The following RGS10 variants were observed in gnomAD, a reference collection of about 807,000 sequenced individuals.
RGS10 encodes regulator of G-protein signalling 10.
A neutral mutation model predicts 23.5 loss-of-function variants in RGS10; 11 were observed. The observed-to-expected ratio is 0.47, with a 90% CI of 0.29 to 0.77. The LOEUF (loss-of-function observed/expected upper bound fraction) is 0.77, where lower values mean the gene tolerates loss of function less well. Ranked by LOEUF, RGS10 falls within the 30% of genes least tolerant of loss-of-function variation. RGS10 has a pLI of 0.08. For missense variants in RGS10, 180 were observed against 226.3 expected (o/e 0.80, Z 1.31); for synonymous variants, 77 against 83.2 (o/e 0.92, Z 0.41).
At chr10:119,532,436 T>C (rs1844341035) in intron 1 of RGS10, among the ~76,000 whole-genome samples, 1 of 152,086 alleles carries the variant, frequency 6.6e-6, no homozygotes, top group African/African-American at 2.4e-5. Context: ...TTACGACCCG[T>C]GGGCGCGGTG....
intron 3 of RGS10, among the ~76,000 whole-genome samples, chr10:119,516,060 TG>T (rs1844139572): frequency 6.6e-6 from 1 of 152,114 alleles, no homozygotes; most frequent in Non-Finnish European, 1.5e-5. Context: ...GAGAGCAGCC[TG>T]GCCAACATGG....
intron 4 of RGS10, among the ~76,000 whole-genome samples, chr10:119,505,613 C>G (rs1844002615): frequency 6.6e-6 from 1 of 152,080 alleles, no homozygotes; most frequent in Non-Finnish European, 1.5e-5. Context: ...GCAGGATTTG[C>G]CTTCCTGAAA....
chr10:119,536,978 G>C (rs889565871), intron 1 of RGS10, among the ~76,000 whole-genome samples: 2 of 152,176 alleles, frequency 1.3e-5, no homozygotes. Flanking sequence ...CTTCCTCAGG[G>C]TCAGCATGAT....
intron 4 of RGS10, among the ~76,000 whole-genome samples, chr10:119,501,701 C>G (rs1843955292): frequency 6.6e-6 from 1 of 151,542 alleles, no homozygotes; most frequent in Non-Finnish European, 1.5e-5. Flanking sequence ...CCAGCCTGGG[C>G]AACAGAGTGA....
chr10:119,520,327 G>C (rs1844198016), intron 3 of RGS10, among the ~76,000 whole-genome samples: 1 of 152,204 alleles, frequency 6.6e-6, no homozygotes, highest in South Asian at 2.1e-4. Flanking sequence ...CCAAGCCCCT[G>C]AACAGGTGGG....
chr10:119,525,981 A>C, intron 3 of RGS10, 51 bp downstream of exon 3: 1 of 951,744 alleles, frequency 1.1e-6, no homozygotes. Context: ...TCTATTGGAA[A>C]GGCAGTTGTA....
chr10:119,532,712 G>A (rs1013822797), intron 1 of RGS10, among the ~76,000 whole-genome samples: 18 of 152,056 alleles, frequency 1.2e-4, no homozygotes, highest in Admixed American at 5.9e-4. Flanking sequence ...GTGGTGGTGC[G>A]CACCTGTAAT....
At chr10:119,525,949 G>T in intron 3 of RGS10, 83 bp downstream of exon 3, 1 of 663,208 alleles carries the variant, frequency 1.5e-6, no homozygotes, top group South Asian at 2.6e-5. Flanking sequence ...TATGAATCAG[G>T]TTTCTTTAGG....
intron 4 of RGS10, among the ~76,000 whole-genome samples, chr10:119,511,311 C>T (rs1466676869): frequency 6.6e-6 from 1 of 152,148 alleles, no homozygotes; most frequent in Non-Finnish European, 1.5e-5. Context: ...TTAAGCCCCT[C>T]AAGCTTCTCT....
chr10:119,518,672 C>G (rs1368658108), intron 3 of RGS10, among the ~76,000 whole-genome samples: 1 of 151,820 alleles, frequency 6.6e-6, no homozygotes, highest in Non-Finnish European at 1.5e-5. Flanking sequence ...CCCCACAGCT[C>G]TCTACATGGG....
intron 4 of RGS10, among the ~76,000 whole-genome samples, chr10:119,506,242 G>C (rs1844011073): frequency 1.3e-5 from 2 of 152,238 alleles, no homozygotes; most frequent in African/African-American, 4.8e-5. Context: ...GTGGGAACGG[G>C]CTGCACCCAG....
chr10:119,541,034 G>A (rs976575523), intron 1 of RGS10, among the ~76,000 whole-genome samples: 1 of 152,140 alleles, frequency 6.6e-6, no homozygotes, highest in Admixed American at 6.5e-5. Context: ...GCTACCTATG[G>A]TTTACAACCA....
At chr10:119,515,796 C>G in intron 3 of RGS10, 144 bp from the exon 4 acceptor site, 1 of 935,272 alleles carries the variant, frequency 1.1e-6, no homozygotes, top group East Asian at 2.6e-5. Context: ...TCAGGCCACT[C>G]CAGAGAGAAT....
rs905596604 is a variant in RGS10, at chr10:119,524,418, G to C, written c.255+1614C>G. Among the ~76,000 whole-genome samples the C allele has an allele frequency of 1.3e-5, 2 of 152,286 alleles. No individual in the cohort carries two copies. The highest frequency in any genetic ancestry group is 3.4e-3 in the Middle Eastern group (1 of 294). The stretch of plus-strand genomic sequence containing the variant: ...CAGGGGCGGACCGGCCCACCCACAG[G>C]CCCCTCCTACCTCTAACACTCAAAA... On this transcript the variant is annotated intron_variant, in intron 3 of 4. Transcript: ENST00000369103. The surrounding 1 kb of genome is among the most constrained non-coding windows in gnomAD (Gnocchi z 5.2).
At chr10:119,501,109 C>T (rs1357690173) in intron 4 of RGS10, among the ~76,000 whole-genome samples, 3 of 152,206 alleles carry the variant, frequency 2.0e-5, no homozygotes, top group Non-Finnish European at 2.9e-5. Context: ...CTACCCAATC[C>T]TGTGCCATCT....
At chr10:119,516,767 A>G (rs1284984603) in intron 3 of RGS10, among the ~76,000 whole-genome samples, 3 of 152,120 alleles carry the variant, frequency 2.0e-5, no homozygotes, top group Non-Finnish European at 4.4e-5. Context: ...CACAGTGAGA[A>G]CTGTGTCTTC....
intron 1 of RGS10, among the ~76,000 whole-genome samples, chr10:119,533,533 C>A (rs1038735120): frequency 5.3e-5 from 8 of 152,110 alleles, no homozygotes; most frequent in African/African-American, 1.9e-4. Flanking sequence ...TAAAGCAAAA[C>A]CAAGATTTCC....
chr10:119,511,617 C>T (rs1006250549), intron 4 of RGS10, among the ~76,000 whole-genome samples: 2 of 151,688 alleles, frequency 1.3e-5, no homozygotes, highest in Non-Finnish European at 2.9e-5. Context: ...GGACTGTCTC[C>T]AAAAAAAATG....
At chr10:119,539,181 G>C (rs1469616652) in intron 1 of RGS10, among the ~76,000 whole-genome samples, 1 of 152,174 alleles carries the variant, frequency 6.6e-6, no homozygotes, top group South Asian at 2.1e-4. Flanking sequence ...TGTCCCCCCA[G>C]GCCTGGGCCA....
Sources: gnomAD v4.1 joint callset for allele counts (sites outside exome capture counted in the v4.1 genomes callset) on GRCh38, gnomAD v4.1.1 for gene constraint, Gnocchi (gnomAD v3.1) non-coding constraint, MANE v1.5 for transcripts, NCBI Gene and HGNC (gene_info 2026-07-23, HGNC 2026-07-21) for gene names.